Variants in LARP4B observed in about 807,000 individuals in gnomAD.
LARP4B encodes the protein la-related protein 4B.
Under a neutral mutation model 89.8 loss-of-function variants are expected in LARP4B, and 12 were observed. The ratio of observed to expected loss-of-function variants is 0.13; its 90% CI spans 0.09 to 0.22. The LOEUF (loss-of-function observed/expected upper bound fraction) is 0.22. LARP4B is among the 10% of genes least tolerant of loss of function. LARP4B has a pLI of 1.00. For synonymous variants in LARP4B, 367 were observed against 363.3 expected (o/e 1.01, Z -0.12); for missense variants, 757 against 947.7 (o/e 0.80, Z 2.64).
At chr10:909,270 G>C (rs1013187235) in intron 1 of LARP4B, among the ~76,000 whole-genome samples, 1 of 148,314 alleles carries the variant, frequency 6.7e-6, no homozygotes, top group Non-Finnish European at 1.5e-5. Flanking sequence ...ATCCAGCCTG[G>C]GCGACAGAGC....
At chr10:911,666 A>G (rs1486374532) in intron 1 of LARP4B, among the ~76,000 whole-genome samples, 5 of 152,228 alleles carry the variant, frequency 3.3e-5, no homozygotes, top group Admixed American at 3.3e-4. Context: ...ACACAGGAAG[A>G]GGCAACACTC....
intron 3 of LARP4B, among the ~76,000 whole-genome samples, chr10:875,186 C>T (rs187540526): frequency 1.3e-5 from 2 of 152,178 alleles, no homozygotes; most frequent in South Asian, 2.1e-4. Flanking sequence ...GAGAAGCTCA[C>T]GAGATCACCT....
chr10:861,286 G>A (rs1234621781), intron 5 of LARP4B, among the ~76,000 whole-genome samples: 2 of 152,154 alleles, frequency 1.3e-5, no homozygotes, highest in African/African-American at 2.4e-5. Flanking sequence ...TTATCAAACT[G>A]GGTGGACAAA....
At chr10:898,907 G>A (rs1836259833) in intron 1 of LARP4B, among the ~76,000 whole-genome samples, 1 of 152,132 alleles carries the variant, frequency 6.6e-6, no homozygotes, top group African/African-American at 2.4e-5. Flanking sequence ...ATATGTGCCT[G>A]GAGATCATTT....
At chr10:916,148 G>A (rs1031092361) in intron 1 of LARP4B, among the ~76,000 whole-genome samples, 1 of 152,128 alleles carries the variant, frequency 6.6e-6, no homozygotes, top group Non-Finnish European at 1.5e-5. Flanking sequence ...CGTTACATGA[G>A]ATTTCTGAAA....
intron 7 of LARP4B, 89 bp from the exon 8 acceptor site, chr10:836,595 TA>T (rs1833233020): frequency 1.2e-6 from 1 of 807,528 alleles, no homozygotes. Flanking sequence ...ACTATATTAC[TA>T]AATAAGCTAA....
At chr10:849,134 C>T (rs1335348840) in intron 5 of LARP4B, among the ~76,000 whole-genome samples, 3 of 151,596 alleles carry the variant, frequency 2.0e-5, no homozygotes, top group East Asian at 1.9e-4. Context: ...ATTAAAACAG[C>T]GAAACAAAGA....
chr10:839,390 C>A (rs544150900), intron 7 of LARP4B, among the ~76,000 whole-genome samples: 1 of 152,146 alleles, frequency 6.6e-6, no homozygotes, highest in Non-Finnish European at 1.5e-5. Flanking sequence ...ACTTTGCTTA[C>A]AATTTTGCTG....
rs940244100 is a variant in LARP4B at position 892,631 on chromosome 10, C to T, written c.-39-6871G>A. ...CTCAGCTCACTGCAAGCTCCACCTCCCAGGTTCATGCCATTCTCCTGCCTC... is the reference window on the plus strand; with the variant it reads ...CTCAGCTCACTGCAAGCTCCACCTCTCAGGTTCATGCCATTCTCCTGCCTC... On this transcript the variant is annotated intron_variant, in intron 1 of 17. Transcript: ENST00000316157. 1.2e-4 allele frequency among the ~76,000 whole-genome samples: 19 copies of T among 152,056 alleles called. 1 individual carries two copies. The highest frequency in any genetic ancestry group is 4.6e-4 in the African/African-American group (19 of 41,462).
At chr10:862,503 A>G (rs1834676664) in intron 5 of LARP4B, among the ~76,000 whole-genome samples, 1 of 152,136 alleles carries the variant, frequency 6.6e-6, no homozygotes, top group African/African-American at 2.4e-5. Flanking sequence ...AATTGTGGTA[A>G]TAAAAATGAA....
chr10:919,345 G>A (rs1836916554), intron 1 of LARP4B, among the ~76,000 whole-genome samples: 1 of 152,062 alleles, frequency 6.6e-6, no homozygotes, highest in African/African-American at 2.4e-5. Context: ...TCGTTCAGTG[G>A]TAGAATTCTC....
At chr10:938,252 CT>C in the LARP4B span, among the ~76,000 whole-genome samples, 266 of 123,364 alleles carry the variant, frequency 2.2e-3, no homozygotes, top group Admixed American at 5.7e-3. Context: ...GGTTCTTTTT[CT>C]TTTTTTTTTT....
At chr10:830,471 C>T (rs1336432015) in intron 9 of LARP4B, among the ~76,000 whole-genome samples, 4 of 152,194 alleles carry the variant, frequency 2.6e-5, no homozygotes, top group East Asian at 3.8e-4. Context: ...TAACTCCTCA[C>T]GCCTCCTTAC....
At chr10:988,297 G>A in the LARP4B span, 84 of 601,676 alleles carry the variant, frequency 1.4e-4, 1 homozygote, top group South Asian at 1.3e-3. Context: ...CGCCCTCCGT[G>A]GCTGACCTCC....
chr10:823,950 A>G (rs1422346275), intron 13 of LARP4B, among the ~76,000 whole-genome samples: 2 of 152,112 alleles, frequency 1.3e-5, no homozygotes, highest in Admixed American at 6.5e-5. Flanking sequence ...AGGAACTCCT[A>G]TGTGCTCATT....
intron 5 of LARP4B, among the ~76,000 whole-genome samples, chr10:857,930 T>C (rs958299456): frequency 6.6e-6 from 1 of 152,064 alleles, no homozygotes; most frequent in Admixed American, 6.5e-5. Flanking sequence ...AAACAACTGA[T>C]AAAAACATCA....
chr10:875,826 G>C (rs1192239255), intron 3 of LARP4B, among the ~76,000 whole-genome samples: 1 of 152,074 alleles, frequency 6.6e-6, no homozygotes, highest in African/African-American at 2.4e-5. Flanking sequence ...ATGAACTTTG[G>C]GGGACACATG....
chr10:964,856 A>G, the LARP4B span, among the ~76,000 whole-genome samples: 4 of 152,212 alleles, frequency 2.6e-5, no homozygotes, highest in African/African-American at 9.7e-5. Context: ...AGGACAGCAC[A>G]GAACAGCACA....
the LARP4B span, chr10:988,074 C>G: frequency 4.7e-5 from 8 of 170,374 alleles, no homozygotes; most frequent in African/African-American, 1.9e-4. Context: ...CCTAGACCCT[C>G]TGGACTCCTA....
Sources: gnomAD v4.1 joint callset for allele counts (sites outside exome capture counted in the v4.1 genomes callset) on GRCh38, gnomAD v4.1.1 for gene constraint, MANE v1.5 for transcripts, NCBI Gene and HGNC (gene_info 2026-07-23, HGNC 2026-07-21) for gene names.